Variants in MAPKAP1 observed in about 807,000 individuals in gnomAD.
MAPKAP1 encodes MAPK associated protein 1, also known as target of rapamycin complex 2 subunit MAPKAP1.
A neutral mutation model predicts 65.7 loss-of-function variants in MAPKAP1; 20 were observed. The ratio of observed to expected loss-of-function variants is 0.30; its 90% CI spans 0.21 to 0.44. MAPKAP1 has a LOEUF of 0.44. MAPKAP1 is among the 20% of genes least tolerant of loss of function. The probability of loss-of-function intolerance (pLI) is 1.00; values close to 1 mark genes in which losing one functional copy is unlikely to be tolerated. For synonymous variants in MAPKAP1, 222 were observed against 244.3 expected (o/e 0.91, Z 0.85); for missense variants, 423 against 648.0 (o/e 0.65, Z 3.77).
intron 3 of MAPKAP1, among the ~76,000 whole-genome samples, chr9:125,661,381 G>T (rs139660461): frequency 1.1e-3 from 170 of 152,280 alleles, no homozygotes; most frequent in Non-Finnish European, 2.0e-3. Flanking sequence ...ATTCTCTGCG[G>T]TGCCATTTGC....
In MAPKAP1 at chr9:125,543,188, T is replaced by A; in HGVS notation, c.849-20A>T. 6.7e-7 allele frequency: 1 copy of A among 1,503,022 alleles called. No individual in the cohort carries two copies. The highest frequency in any genetic ancestry group is 9.3e-7 in the Non-Finnish European group (1 of 1,078,848). The allele number at this position is 1,503,022 out of a possible 1,614,324, so 93.1% of individuals were successfully genotyped here. On this transcript the variant is annotated intron_variant, in intron 6 of 11. Coordinates refer to ENST00000265960, the MANE Select transcript of MAPKAP1 (RefSeq NM_001006617.3). ...GCATTTCTGTAGGAAAAGACAAATA[T>A]TAAATCATCACCAACATTCATCCAG...
intron 9 of MAPKAP1, among the ~76,000 whole-genome samples, chr9:125,476,216 G>A (rs1412971325): frequency 6.6e-6 from 1 of 152,192 alleles, no homozygotes; most frequent in Non-Finnish European, 1.5e-5. Flanking sequence ...TGGTAACGGA[G>A]TTTTCTGGAG....
At chr9:125,664,074 C>T (rs568717652) in intron 3 of MAPKAP1, among the ~76,000 whole-genome samples, 44 of 152,216 alleles carry the variant, frequency 2.9e-4, no homozygotes, top group African/African-American at 8.9e-4. Flanking sequence ...CGGCCAGGTG[C>T]GGTGGCTCAC....
At position 125,589,211 on chromosome 9, in the gene MAPKAP1, T is replaced by A. The variant is rs190783117; in HGVS notation, c.499-3484A>T. On this transcript the variant is annotated intron_variant, in intron 4 of 11. Transcript: ENST00000265960. ...TTATTATACAGGGCTCAGCTGTCAC[T>A]GTTAACACTCCTTTTGCAGTTATTC... Among the ~76,000 whole-genome samples, 4 of 152,352 alleles carry A rather than the reference T, an allele frequency of 2.6e-5. No individual in the cohort carries two copies. In the East Asian group the frequency reaches 7.7e-4, roughly 29 times the overall value.
chr9:125,515,674 C>T (rs1829439525), intron 7 of MAPKAP1, among the ~76,000 whole-genome samples: 1 of 152,236 alleles, frequency 6.6e-6, no homozygotes, highest in South Asian at 2.1e-4. Flanking sequence ...CAACTAAGTT[C>T]GGCCCTGGCC....
chr9:125,553,068 G>A (rs1830629009), intron 6 of MAPKAP1, among the ~76,000 whole-genome samples: 1 of 151,942 alleles, frequency 6.6e-6, no homozygotes, highest in African/African-American at 2.4e-5. Flanking sequence ...TTTTATATAT[G>A]TCACTGTGTG....
chr9:125,685,739 A>G (rs1002983330), intron 1 of MAPKAP1, among the ~76,000 whole-genome samples: 9 of 152,216 alleles, frequency 5.9e-5, no homozygotes, highest in Non-Finnish European at 1.0e-4. Flanking sequence ...CTTACCCATC[A>G]CTATGCTGCC....
intron 4 of MAPKAP1, among the ~76,000 whole-genome samples, chr9:125,621,172 T>C (rs1422681962): frequency 6.6e-6 from 1 of 151,790 alleles, no homozygotes; most frequent in Non-Finnish European, 1.5e-5. Flanking sequence ...CTCCAGAGAC[T>C]AGGGCAGGAG....
chr9:125,680,655 CAG>C (rs888201724), intron 1 of MAPKAP1, among the ~76,000 whole-genome samples: 1 of 152,092 alleles, frequency 6.6e-6, no homozygotes, highest in Non-Finnish European at 1.5e-5. Flanking sequence ...ACTAAAATAA[CAG>C]AAATGATTTA....
chr9:125,529,177 GAAAAA>G (rs764136309), intron 7 of MAPKAP1, among the ~76,000 whole-genome samples: 1 of 99,766 alleles, frequency 1.0e-5, no homozygotes, highest in Non-Finnish European at 1.9e-5. Flanking sequence ...TCTATCTCAG[GAAAAA>G]AAAAAAAAAA....
intron 4 of MAPKAP1, among the ~76,000 whole-genome samples, chr9:125,626,754 T>G (rs1385122131): frequency 6.6e-6 from 1 of 152,218 alleles, no homozygotes; most frequent in East Asian, 1.9e-4. Context: ...ATACATTTAA[T>G]TCCATTTTTC....
chr9:125,442,024 G>T (rs1384936826), intron 11 of MAPKAP1, among the ~76,000 whole-genome samples: 3 of 149,196 alleles, frequency 2.0e-5, no homozygotes, highest in African/African-American at 7.4e-5. Context: ...AGCTACTCGG[G>T]AAGCTGAGGC....
At chr9:125,494,272 T>C (rs1334147602) in intron 8 of MAPKAP1, among the ~76,000 whole-genome samples, 2 of 152,210 alleles carry the variant, frequency 1.3e-5, no homozygotes, top group East Asian at 1.9e-4. Flanking sequence ...AAACAATCAA[T>C]AGGTGATATA....
At chr9:125,456,372 T>C (rs750925051) in intron 10 of MAPKAP1, among the ~76,000 whole-genome samples, 2 of 152,236 alleles carry the variant, frequency 1.3e-5, no homozygotes, top group Non-Finnish European at 2.9e-5. Context: ...CCAAAGGCTC[T>C]AATCTCTTCA....
chr9:125,684,571 C>G (rs1232627380), intron 1 of MAPKAP1, among the ~76,000 whole-genome samples: 1 of 152,068 alleles, frequency 6.6e-6, no homozygotes, highest in Non-Finnish European at 1.5e-5. Flanking sequence ...ATGCTTAAAC[C>G]TTCTAAGGGC....
chr9:125,658,659 G>A (rs1834101012), intron 3 of MAPKAP1, among the ~76,000 whole-genome samples: 1 of 152,180 alleles, frequency 6.6e-6, no homozygotes, highest in Non-Finnish European at 1.5e-5. Context: ...AAATAATTCA[G>A]ATTAAAATTA....
chr9:125,459,130 C>T (rs1242213623), intron 10 of MAPKAP1, among the ~76,000 whole-genome samples: 5 of 147,872 alleles, frequency 3.4e-5, no homozygotes, highest in Admixed American at 2.7e-4. Flanking sequence ...TCTTCACCTC[C>T]CAGACGGGGT....
chr9:125,444,062 T>C (rs1852603539), intron 11 of MAPKAP1, among the ~76,000 whole-genome samples: 1 of 152,234 alleles, frequency 6.6e-6, no homozygotes, highest in Admixed American at 6.5e-5. Flanking sequence ...CATACAAGTC[T>C]AGCAGAAAGT....
At chr9:125,696,556 T>C (rs1391848914) in intron 1 of MAPKAP1, among the ~76,000 whole-genome samples, 1 of 152,156 alleles carries the variant, frequency 6.6e-6, no homozygotes, top group African/African-American at 2.4e-5. Flanking sequence ...CTTAACCTTG[T>C]TTGATTTGCA....
Sources: allele counts gnomAD v4.1 joint callset (sites outside exome capture counted in the v4.1 genomes callset), GRCh38; gene constraint gnomAD v4.1.1; transcripts MANE v1.5; gene names NCBI Gene and HGNC (gene_info 2026-07-23, HGNC 2026-07-21).